TLK1: variants seen among roughly 807,000 people sequenced by gnomAD.
TLK1 encodes the protein tousled like kinase 1.
In TLK1, 24 loss-of-function variants were observed where a neutral mutation model predicts 105.3. That is an observed-to-expected ratio of 0.23 (90% confidence interval 0.17 to 0.32). The LOEUF (loss-of-function observed/expected upper bound fraction) is 0.32, where lower values mean the gene tolerates loss of function less well. Ranked by LOEUF, TLK1 falls within the 10% of genes least tolerant of loss-of-function variation. TLK1 has a pLI of 1.00. For missense variants in TLK1, 558 were observed against 910.5 expected (o/e 0.61, Z 4.98); for synonymous variants, 321 against 310.4 (o/e 1.03, Z -0.36).
chr2:171,151,388 T>C (rs1692028405), intron 1 of TLK1, among the ~76,000 whole-genome samples: 1 of 152,096 alleles, frequency 6.6e-6, no homozygotes, highest in South Asian at 2.1e-4. Context: ...ATAACAGGAC[T>C]TCATGTGATT....
At chr2:171,198,180 G>A (rs997518154) in intron 1 of TLK1, among the ~76,000 whole-genome samples, 10 of 151,968 alleles carry the variant, frequency 6.6e-5, no homozygotes, top group African/African-American at 2.2e-4. Context: ...AGGTAAGCAA[G>A]AACAGAGAAA....
intron 2 of TLK1, among the ~76,000 whole-genome samples, chr2:171,109,563 C>G (rs1690071908): frequency 6.6e-6 from 1 of 152,158 alleles, no homozygotes. Flanking sequence ...GCAGAACAAT[C>G]AAAGTTCTTA....
At chr2:171,127,320 T>C (rs1163574683) in intron 1 of TLK1, among the ~76,000 whole-genome samples, 1 of 151,734 alleles carries the variant, frequency 6.6e-6, no homozygotes, top group East Asian at 1.9e-4. Context: ...GAAGTCTATA[T>C]TGTATAACAC....
At chr2:171,040,091 GAATAA>G (rs1686588119) in intron 11 of TLK1, among the ~76,000 whole-genome samples, 1 of 151,140 alleles carries the variant, frequency 6.6e-6, no homozygotes, top group African/African-American at 2.4e-5. Flanking sequence ...TAGAGAAAAA[GAATAA>G]AATAAACAAA....
chr2:171,025,879 A>T (rs1267976686), intron 12 of TLK1, among the ~76,000 whole-genome samples: 1 of 152,232 alleles, frequency 6.6e-6, no homozygotes, highest in Non-Finnish European at 1.5e-5. Context: ...CTCTAAGGTG[A>T]CATTACTTGC....
rs958356904 is a variant in TLK1 at position 171,004,354 on chromosome 2, GA to G, written c.1904+1792del. 3.6e-3 allele frequency among the ~76,000 whole-genome samples: 532 copies of G among 146,402 alleles called. 6 individuals are homozygous for G. The highest frequency in any genetic ancestry group is 0.012 in the African/African-American group (489 of 39,958). On this transcript the variant is annotated intron_variant, in intron 18 of 20. Coordinates refer to ENST00000431350, the MANE Select transcript of TLK1 (RefSeq NM_012290.5). ...AAAAAATTTTCCAATGTATTTATCG[GA>G]AAAAAAAAAGCCACATAAAAGTGGA...
chr2:171,028,060 G>A (rs1685860946), intron 12 of TLK1, among the ~76,000 whole-genome samples: 1 of 152,162 alleles, frequency 6.6e-6, no homozygotes, highest in African/African-American at 2.4e-5. Flanking sequence ...CTACTCAGGA[G>A]GCTGAAGCAC....
chr2:171,044,761 CGG>C (rs1686861561), intron 11 of TLK1, among the ~76,000 whole-genome samples: 1 of 152,116 alleles, frequency 6.6e-6, no homozygotes, highest in South Asian at 2.1e-4. Context: ...AAGATGCAGC[CGG>C]ATGAGTTAAA....
At chr2:171,011,288 C>T in intron 14 of TLK1, 85 bp downstream of exon 14, 1 of 1,194,008 alleles carries the variant, frequency 8.4e-7, no homozygotes, top group East Asian at 2.6e-5. Context: ...GCCACCATGC[C>T]CAGACAACGT....
At chr2:171,010,215 T>A (rs1204904859) in intron 14 of TLK1, among the ~76,000 whole-genome samples, 2 of 152,062 alleles carry the variant, frequency 1.3e-5, no homozygotes, top group Admixed American at 1.3e-4. Flanking sequence ...TAGGGGCTTA[T>A]AATATGTGAG....
At chr2:171,071,867 C>A (rs1688273519) in intron 3 of TLK1, among the ~76,000 whole-genome samples, 1 of 152,106 alleles carries the variant, frequency 6.6e-6, no homozygotes, top group African/African-American at 2.4e-5. Context: ...TTCTTGGCAC[C>A]TTTGTCAAAA....
At position 171,041,381 on chromosome 2, in the gene TLK1, G is replaced by A. The variant is rs989348510; in HGVS notation, c.1169+4793C>T. Among the ~76,000 whole-genome samples the A allele has an allele frequency of 3.9e-5, 6 of 152,294 alleles. No individual in the cohort carries two copies. The South Asian group carries it at 8.3e-4, about 21-fold the overall frequency. On this transcript the variant is annotated intron_variant, in intron 11 of 20. Coordinates refer to ENST00000431350, the MANE Select transcript of TLK1 (RefSeq NM_012290.5). ...AGAGTTAAATTTGGAATCCACATCT[G>A]TCTGACTACAGAACCTAAAGTCCTA...
intron 1 of TLK1, among the ~76,000 whole-genome samples, chr2:171,229,547 G>A (rs1309911749): frequency 6.6e-6 from 1 of 152,134 alleles, no homozygotes; most frequent in African/African-American, 2.4e-5. Flanking sequence ...TTCTGCCAGA[G>A]GACAGAACCA....
rs1012891275 is a variant in TLK1, at chr2:171,055,389, TACA to T, written c.550-220_550-218del. On this transcript the variant is annotated intron_variant, in intron 6 of 20. Coordinates refer to ENST00000431350, the MANE Select transcript of TLK1 (RefSeq NM_012290.5). Reference sequence around the variant, plus strand: ...CTCCTACATAAGACCCAGTGAGAAATACAACAATATATTCCCTGCCCTCATAGA... The same window carrying T: ...CTCCTACATAAGACCCAGTGAGAAATACAATATATTCCCTGCCCTCATAGA... Among the ~76,000 whole-genome samples the T allele has an allele frequency of 7.9e-5, 12 of 151,778 alleles. 1 individual carries two copies. The highest frequency in any genetic ancestry group is 2.1e-4 in the South Asian group (1 of 4,832).
At chr2:171,002,177 T>G (rs1684411799) in intron 18 of TLK1, among the ~76,000 whole-genome samples, 1 of 152,236 alleles carries the variant, frequency 6.6e-6, no homozygotes, top group South Asian at 2.1e-4. Flanking sequence ...CTAAAATTAT[T>G]AAACCATCCT....
At chr2:170,998,580 T>G (rs1161893820) in intron 18 of TLK1, among the ~76,000 whole-genome samples, 1 of 152,184 alleles carries the variant, frequency 6.6e-6, no homozygotes, top group Non-Finnish European at 1.5e-5. Flanking sequence ...TCTCCCCAGG[T>G]GGCTCTGCTT....
At chr2:171,034,830 C>T (rs570591813) in intron 11 of TLK1, among the ~76,000 whole-genome samples, 37 of 152,172 alleles carry the variant, frequency 2.4e-4, no homozygotes, top group Admixed American at 2.2e-3. Flanking sequence ...AGAGTCCAAA[C>T]GTTCACAATG....
chr2:171,109,157 G>A (rs936028069), intron 2 of TLK1, among the ~76,000 whole-genome samples: 1 of 152,130 alleles, frequency 6.6e-6, no homozygotes, highest in East Asian at 1.9e-4. Context: ...ACAATGCAAG[G>A]AGATATCTAA....
intron 13 of TLK1, among the ~76,000 whole-genome samples, chr2:171,013,920 A>G (rs559326020): frequency 1.5e-4 from 23 of 152,202 alleles, no homozygotes; most frequent in Non-Finnish European, 2.4e-4. Context: ...CTCAATTTCT[A>G]TCTTTTTCAT....
Sources: allele counts gnomAD v4.1 joint callset (sites outside exome capture counted in the v4.1 genomes callset), GRCh38; gene constraint gnomAD v4.1.1; transcripts MANE v1.5; gene names NCBI Gene and HGNC (gene_info 2026-07-23, HGNC 2026-07-21).